RBM23: variants seen among roughly 807,000 people sequenced by gnomAD.
RBM23 encodes the protein RNA binding motif protein 23.
In RBM23, 53 loss-of-function variants were observed where a neutral mutation model predicts 56.2. The ratio of observed to expected loss-of-function variants is 0.94; its 90% CI spans 0.76 to 1.19. The LOEUF (loss-of-function observed/expected upper bound fraction) is 1.19. Among genes scored for constraint, RBM23 ranks in the 50% most tolerant of loss-of-function variants. The pLI is 0.00. For synonymous variants in RBM23, 197 were observed against 198.5 expected (o/e 0.99, Z 0.06); for missense variants, 642 against 590.3 (o/e 1.09, Z -0.91).
chr14:22,909,620 C>T, intron 2 of RBM23, 25 bp from the exon 3 acceptor site: 2 of 1,580,800 alleles, frequency 1.3e-6, no homozygotes, highest in Non-Finnish European at 1.7e-6. Flanking sequence ...AGGAAAATGT[C>T]ACAAGGTATA....
chr14:22,907,129 G>A (rs566544020), intron 4 of RBM23, among the ~76,000 whole-genome samples: 20 of 149,538 alleles, frequency 1.3e-4, no homozygotes, highest in South Asian at 6.5e-4. Context: ...AGCCGACGTC[G>A]CGCCACTGCA....
chr14:22,918,400 TA>T (rs34898728), intron 1 of RBM23, among the ~76,000 whole-genome samples: 2 of 149,410 alleles, frequency 1.3e-5, no homozygotes, highest in Non-Finnish European at 3.0e-5. Flanking sequence ...CTTAAAAAAA[TA>T]AAAAAAAAGA....
intron 12 of RBM23, 38 bp downstream of exon 12, chr14:22,901,942 C>T (rs1313563109): frequency 6.2e-7 from 1 of 1,611,908 alleles, no homozygotes; most frequent in East Asian, 2.2e-5. Flanking sequence ...CTTTCCAGAC[C>T]CCCAAACCTT....
At chr14:22,909,369 A>G (rs2042086290) in intron 3 of RBM23, 114 bp downstream of exon 3, 1 of 801,030 alleles carries the variant, frequency 1.2e-6, no homozygotes, top group Non-Finnish European at 2.2e-6. Flanking sequence ...TGGAGCCATT[A>G]CTAACAGTCA....
intron 1 of RBM23, among the ~76,000 whole-genome samples, chr14:22,916,611 AT>A (rs2043550488): frequency 6.6e-6 from 1 of 151,696 alleles, no homozygotes; most frequent in Non-Finnish European, 1.5e-5. Flanking sequence ...ATCTAACATT[AT>A]ATCTATTATA....
At chr14:22,905,531 A>G (rs1407363332) in intron 6 of RBM23, 75 bp downstream of exon 6, 3 of 1,586,210 alleles carry the variant, frequency 1.9e-6, no homozygotes, top group South Asian at 2.2e-5. Flanking sequence ...AGTATTACAC[A>G]TTCCTGTAAT....
rs371873909 is a variant in RBM23, at chr14:22,911,397, G to C, written c.-4C>G. 4 of 1,612,000 alleles carry C rather than the reference G, an allele frequency of 2.5e-6. No individual in the cohort carries two copies. The highest frequency in any genetic ancestry group is 3.4e-6 in the Non-Finnish European group (4 of 1,178,476). On this transcript the variant is annotated 5_prime_UTR_variant, in exon 2 of 14. Coordinates refer to ENST00000359890, the MANE Select transcript of RBM23 (RefSeq NM_001077351.2). Reference sequence around the variant, plus strand: ...TGTCAAAGTCATCAGATGCCATCCTGTCAGATCTGGGGAGAGGATATTAAT... The same window carrying C: ...TGTCAAAGTCATCAGATGCCATCCTCTCAGATCTGGGGAGAGGATATTAAT...
rs116780277 is a variant in RBM23 at position 22,903,772 on chromosome 14, C to T, written c.930+489G>A. Reference sequence around the variant, plus strand: ...AATGTCAGGAAAAGGTGAAGCTTGCCCATAATTAGGTGGCCTCACTATTCT... The same window carrying T: ...AATGTCAGGAAAAGGTGAAGCTTGCTCATAATTAGGTGGCCTCACTATTCT... On this transcript the variant is annotated intron_variant, in intron 10 of 13. Transcript: ENST00000359890. 2.5e-4 allele frequency: 254 copies of T among 999,022 alleles called. No homozygotes were observed. In the African/African-American group the frequency reaches 4.1e-3, roughly 16 times the overall value. 61.9% of individuals were successfully genotyped at this position (999,022 alleles called of 1,614,324 possible). A position where few individuals can be genotyped will look rare whatever the true frequency, so the allele number is the denominator to read the frequency against.
chr14:22,913,517 C>T (rs1489284719), intron 1 of RBM23, among the ~76,000 whole-genome samples: 1 of 151,236 alleles, frequency 6.6e-6, no homozygotes, highest in Non-Finnish European at 1.5e-5. Flanking sequence ...ATCCCAGCAC[C>T]GTGGGAGGCC....
At chr14:22,916,229 G>A (rs1436703469) in intron 1 of RBM23, among the ~76,000 whole-genome samples, 1 of 151,684 alleles carries the variant, frequency 6.6e-6, no homozygotes, top group Non-Finnish European at 1.5e-5. Context: ...CCCCAAAACA[G>A]AGAAGGTCAC....
intron 1 of RBM23, among the ~76,000 whole-genome samples, chr14:22,916,514 G>A (rs116259282): frequency 7.3e-4 from 110 of 150,448 alleles, no homozygotes; most frequent in African/African-American, 2.6e-3. Context: ...GGACTCAACA[G>A]ATCCACCCAC....
chr14:22,900,101 G>A lies in RBM23; in HGVS notation c.*1629C>T, dbSNP rs1243491980. The A allele has an allele frequency of 6.6e-6, 1 of 152,114 alleles. No individual in the cohort carries two copies. Among genetic ancestry groups the A allele is most frequent in the Non-Finnish European group, 1.5e-5 (1 of 68,032 alleles). The allele number at this position is 152,114 out of a possible 1,614,324, so 9.4% of individuals were successfully genotyped here. The stretch of plus-strand genomic sequence containing the variant: ...AGTTCCCTACAATTCACTGGTCCCA[G>A]GCCTGTGTTATCCCAGGCAGAGCCA... On this transcript the variant is annotated 3_prime_UTR_variant, in exon 14 of 14. Coordinates refer to ENST00000359890, the MANE Select transcript of RBM23 (RefSeq NM_001077351.2).
Position 22,900,226 on chromosome 14 carries a change from T to C in RBM23, c.*1504A>G, listed in dbSNP as rs1289848050. 1 of 152,090 alleles carries C rather than the reference T, an allele frequency of 6.6e-6. No homozygotes were observed. The highest frequency in any genetic ancestry group is 1.5e-5 in the Non-Finnish European group (1 of 68,040). 9.4% of individuals were successfully genotyped at this position (152,090 alleles called of 1,614,324 possible). On this transcript the variant is annotated 3_prime_UTR_variant, in exon 14 of 14. Transcript: ENST00000359890. ...ACAAGACCCAAACCCCTTTGGATAT[T>C]GGATTGGGATCGCTACTACAAAGAG...
intron 2 of RBM23, among the ~76,000 whole-genome samples, chr14:22,910,750 C>T (rs908594795): frequency 1.3e-5 from 2 of 152,230 alleles, no homozygotes; most frequent in South Asian, 4.1e-4. Context: ...CAGTGGCTCA[C>T]GCCTGTAATC....
intron 4 of RBM23, among the ~76,000 whole-genome samples, chr14:22,907,243 G>A (rs755798817): frequency 5.3e-5 from 8 of 152,294 alleles, no homozygotes; most frequent in Non-Finnish European, 8.8e-5. Context: ...TCAGGAGGCT[G>A]AGGCAGGAGA....
intron 1 of RBM23, among the ~76,000 whole-genome samples, chr14:22,915,920 T>C (rs2043404069): frequency 6.6e-6 from 1 of 152,216 alleles, no homozygotes; most frequent in Non-Finnish European, 1.5e-5. Context: ...CTCAAAGTCA[T>C]ACATAGCTCA....
chr14:22,905,131 C>T lies in RBM23; in HGVS notation c.689G>A (p.Arg230Gln), dbSNP rs183387471. 1.1e-4 allele frequency: 178 copies of T among 1,614,142 alleles called. No homozygotes were observed. Among genetic ancestry groups the T allele is most frequent in the Middle Eastern group, 5.0e-4 (3 of 6,060 alleles). The change falls in exon 8 of 14, where the codon CGG (arginine) becomes CAG (glutamine). Residue 230 changes from arginine to glutamine, a missense_variant. Arg to Gln is a conservative substitution (Grantham distance 43). Coordinates refer to ENST00000359890, the MANE Select transcript of RBM23 (RefSeq NM_001077351.2). ...TACAATGATAGGCACTCCCAGCAAC[C>T]GCTGCCCAGTCAGCCCAATGGCCAG... The part of the protein sequence containing the change: ...VPLAIGLTGQ[R>Q]LLGVPIIVQA...
rs12881874 is a variant in RBM23 at position 22,894,994 on chromosome 14, T to C, written c.*6736A>G. 112,440 of 150,426 alleles carry C rather than the reference T, an allele frequency of 0.75. 42,214 individuals carry two copies. Among genetic ancestry groups the C allele is most frequent in the East Asian group, 0.99 (5,019 of 5,074 alleles). 9.3% of individuals were successfully genotyped at this position (150,426 alleles called of 1,614,324 possible). A position where few individuals can be genotyped will look rare whatever the true frequency, so the allele number is the denominator to read the frequency against. Reference sequence around the variant, plus strand: ...GGCAGAGCTTGCAGTGACCCGAGATTGCGCCACTGCACTCCAGCCTGGGCG... The same window carrying C: ...GGCAGAGCTTGCAGTGACCCGAGATCGCGCCACTGCACTCCAGCCTGGGCG... On this transcript the variant is annotated 3_prime_UTR_variant, in exon 14 of 14. Transcript: ENST00000359890.
intron 9 of RBM23, 48 bp from the exon 10 acceptor site, chr14:22,904,374 C>A: frequency 2.1e-6 from 3 of 1,436,816 alleles, no homozygotes; most frequent in Non-Finnish European, 2.9e-6. Flanking sequence ...TAGCCCACAT[C>A]TTCAATCTTT....
Sources: gnomAD v4.1 joint callset for allele counts (sites outside exome capture counted in the v4.1 genomes callset) on GRCh38, gnomAD v4.1.1 for gene constraint, MANE v1.5 for transcripts, NCBI Gene and HGNC (gene_info 2026-07-23, HGNC 2026-07-21) for gene names.